The following MAP2K4 variants were observed in gnomAD, a reference collection of about 807,000 sequenced individuals.
MAP2K4 encodes mitogen-activated protein kinase kinase 4, also known as dual specificity mitogen-activated protein kinase kinase 4.
A neutral mutation model predicts 48.5 loss-of-function variants in MAP2K4; 4 were observed. That is an observed-to-expected ratio of 0.08 (90% CI 0.04 to 0.19). MAP2K4 has a LOEUF of 0.19. MAP2K4 is among the 10% of genes least tolerant of loss of function. The pLI is 1.00. For synonymous variants in MAP2K4, 166 were observed against 173.1 expected, an observed-to-expected ratio of 0.96 and a Z score of 0.32; for missense variants, 258 against 493.3, an observed-to-expected ratio of 0.52 and a Z score of 4.52.
At chr17:12,032,355 A>G (rs1969466570) in intron 1 of MAP2K4, 2 of 865,978 alleles carry the variant, frequency 2.3e-6, no homozygotes, top group South Asian at 3.2e-5. Context: ...CCATCTTGGT[A>G]TTGGGAATGT....
intron 2 of MAP2K4, among the ~76,000 whole-genome samples, chr17:12,059,609 A>G (rs1970387898): frequency 1.3e-5 from 2 of 152,174 alleles, no homozygotes; most frequent in African/African-American, 2.4e-5. Context: ...AGAGTTTTGG[A>G]ACCACACGTT....
chr17:12,093,503 C>T (rs1567656350), intron 3 of MAP2K4, among the ~76,000 whole-genome samples: 1 of 152,144 alleles, frequency 6.6e-6, no homozygotes. Flanking sequence ...CTGTAATATG[C>T]TTCCTAGTTG....
At chr17:12,039,629 T>TA (rs1325846151) in intron 1 of MAP2K4, among the ~76,000 whole-genome samples, 1 of 152,196 alleles carries the variant, frequency 6.6e-6, no homozygotes, top group Admixed American at 6.5e-5. Flanking sequence ...ACAATTATCT[T>TA]ACCATTAAAT....
intron 7 of MAP2K4, among the ~76,000 whole-genome samples, chr17:12,120,923 G>C (rs1163551569): frequency 6.6e-6 from 1 of 152,246 alleles, no homozygotes; most frequent in East Asian, 1.9e-4. Flanking sequence ...TTCTGGCGAT[G>C]CTACTGTGCT....
intron 4 of MAP2K4, among the ~76,000 whole-genome samples, chr17:12,100,768 T>G (rs745605619): frequency 2.6e-5 from 4 of 152,134 alleles, no homozygotes; most frequent in Non-Finnish European, 5.9e-5. Flanking sequence ...AGTAAATGTG[T>G]GGTGGAATCT....
At chr17:12,049,918 A>G (rs1448625589) in intron 1 of MAP2K4, among the ~76,000 whole-genome samples, 1 of 152,176 alleles carries the variant, frequency 6.6e-6, no homozygotes, top group Non-Finnish European at 1.5e-5. Context: ...CATTATATCA[A>G]AAAGGTTATA....
intron 1 of MAP2K4, among the ~76,000 whole-genome samples, chr17:12,053,748 C>A (rs144430846): frequency 6.6e-6 from 1 of 151,906 alleles, no homozygotes; most frequent in African/African-American, 2.4e-5. Flanking sequence ...ATCTAGGGGC[C>A]GTGGCAAGGA....
At chr17:12,123,834 A>C (rs1972769255) in intron 7 of MAP2K4, among the ~76,000 whole-genome samples, 1 of 152,148 alleles carries the variant, frequency 6.6e-6, no homozygotes, top group African/African-American at 2.4e-5. Flanking sequence ...GACTTTGCAG[A>C]TATCTTCCTG....
chr17:12,134,371 T>C (rs750728873), intron 9 of MAP2K4, among the ~76,000 whole-genome samples: 3 of 152,214 alleles, frequency 2.0e-5, no homozygotes, highest in Non-Finnish European at 4.4e-5. Context: ...AAGGAGGGAA[T>C]AATTTGAATT....
chr17:12,138,955 G>A (rs956070090), intron 9 of MAP2K4, among the ~76,000 whole-genome samples: 3 of 152,138 alleles, frequency 2.0e-5, no homozygotes, highest in African/African-American at 4.8e-5. Flanking sequence ...TGAAGAGGCC[G>A]ATAGTAAAGG....
At chr17:12,049,374 T>A (rs545099888) in intron 1 of MAP2K4, among the ~76,000 whole-genome samples, 1 of 152,354 alleles carries the variant, frequency 6.6e-6, no homozygotes, top group African/African-American at 2.4e-5. Flanking sequence ...CCCTGTGGTG[T>A]CAATGGGTGT....
rs147031585 is a variant in MAP2K4 at position 12,081,024 on chromosome 17, A to G, written c.219-332A>G. Among the ~76,000 whole-genome samples the G allele has an allele frequency of 3.2e-3, 480 of 152,360 alleles. 1 individual carries two copies. Among genetic ancestry groups the G allele is most frequent in the African/African-American group, 0.011 (459 of 41,588 alleles). ...CTTGATAATGCTGTTTGGATAAACC[A>G]TCATCCAAGTTTGAATAAGATCTTA... On this transcript the variant is annotated intron_variant, in intron 2 of 10. Transcript: ENST00000353533. This position sits in a 1 kb window ranked among gnomAD's most constrained non-coding sequence, Gnocchi z 4.2.
chr17:12,093,360 A>G lies in MAP2K4; in HGVS notation c.394-2215A>G, dbSNP rs545998826. ...AGAGATTGTCTCAGTGTTAGGTATC[A>G]GTAAGATGTTGGAACTTCAGTTAGG... is the stretch of plus-strand genomic sequence containing the variant. On this transcript the variant is annotated intron_variant, in intron 3 of 10. Coordinates refer to ENST00000353533, the MANE Select transcript of MAP2K4 (RefSeq NM_003010.4). 4.1e-4 allele frequency among the ~76,000 whole-genome samples: 62 copies of G among 152,346 alleles called. 1 individual carries two copies. Among genetic ancestry groups the G allele is most frequent in the Non-Finnish European group, 6.3e-4 (43 of 68,042 alleles).
chr17:12,129,315 A>G (rs750823429), intron 9 of MAP2K4, 28 bp downstream of exon 9: 1 of 1,614,060 alleles, frequency 6.2e-7, no homozygotes, highest in Non-Finnish European at 8.5e-7. Context: ...GAATGGTCGA[A>G]CACGCATGGC....
At position 12,141,068 on chromosome 17, in the gene MAP2K4, T is replaced by C. The variant is rs112442655; in HGVS notation, c.1087-79T>C. 39 of 840,386 alleles carry C rather than the reference T, an allele frequency of 4.6e-5. No homozygotes were observed. In the African/African-American group the frequency reaches 4.8e-4, roughly 10 times the overall value. The allele number at this position is 840,386 out of a possible 1,614,324, so 52.1% of individuals were successfully genotyped here. A position where few individuals can be genotyped will look rare whatever the true frequency, so the allele number is the denominator to read the frequency against. On this transcript the variant is annotated intron_variant, in intron 10 of 10. Transcript: ENST00000353533. ...GTGTGGTTGGGAGCCTGGAGTTCTA[T>C]GTTCTATAGAAATTGGAAAATGTTC...
intron 6 of MAP2K4, 24 bp from the exon 7 acceptor site, chr17:12,113,209 C>T (rs1567666271): frequency 6.2e-7 from 1 of 1,607,392 alleles, no homozygotes; most frequent in East Asian, 2.2e-5. Context: ...TAATTGTATA[C>T]TGAATGATAT....
chr17:12,026,589 G>A (rs189178333), intron 1 of MAP2K4, among the ~76,000 whole-genome samples: 17 of 152,242 alleles, frequency 1.1e-4, no homozygotes, highest in South Asian at 2.1e-4. Context: ...TATTTGTTCC[G>A]GAAGAGGTAG....
intron 3 of MAP2K4, among the ~76,000 whole-genome samples, chr17:12,088,531 T>C (rs1434599417): frequency 1.1e-5 from 1 of 89,222 alleles, no homozygotes; most frequent in Non-Finnish European, 2.5e-5. Flanking sequence ...TAATATATAA[T>C]ATATATTAAA....
intron 2 of MAP2K4, among the ~76,000 whole-genome samples, chr17:12,073,600 T>C (rs1321593242): frequency 1.3e-5 from 2 of 152,112 alleles, no homozygotes; most frequent in Non-Finnish European, 2.9e-5. Context: ...TCTTTTTCTT[T>C]CTCTCCTTCT....
Sources: allele counts gnomAD v4.1 joint callset (sites outside exome capture counted in the v4.1 genomes callset), GRCh38; gene constraint gnomAD v4.1.1; non-coding constraint Gnocchi (gnomAD v3.1); transcripts MANE v1.5; gene names NCBI Gene and HGNC (gene_info 2026-07-23, HGNC 2026-07-21).